Variants in MAGI2 observed in about 807,000 individuals in gnomAD.
MAGI2 encodes membrane-associated guanylate kinase, WW and PDZ domain-containing protein 2.
Under a neutral mutation model 133.3 loss-of-function variants are expected in MAGI2, and 35 were observed. That is an observed-to-expected ratio of 0.26 (90% CI 0.20 to 0.35). MAGI2 has a LOEUF of 0.35. Ranked by LOEUF, MAGI2 falls within the 10% of genes least tolerant of loss-of-function variation. The probability of loss-of-function intolerance (pLI) is 1.00; values close to 1 mark genes in which losing one functional copy is unlikely to be tolerated. For synonymous variants in MAGI2, 729 were observed against 710.6 expected, an observed-to-expected ratio of 1.03 and a Z score of -0.41; for missense variants, 1,636 against 1,863.4, an observed-to-expected ratio of 0.88 and a Z score of 2.25.
At chr7:78,546,947 T>C (rs1798899221) in intron 3 of MAGI2, among the ~76,000 whole-genome samples, 2 of 152,256 alleles carry the variant, frequency 1.3e-5, no homozygotes. Flanking sequence ...AATACTATTA[T>C]TGCCAAGACT....
At chr7:79,106,778 A>G (rs1818488990) in intron 1 of MAGI2, among the ~76,000 whole-genome samples, 1 of 152,220 alleles carries the variant, frequency 6.6e-6, no homozygotes, top group Admixed American at 6.5e-5. Context: ...AAGAAATATC[A>G]CTGTTCTTGC....
At chr7:78,980,905 G>T (rs1465696824) in intron 2 of MAGI2, among the ~76,000 whole-genome samples, 2 of 151,608 alleles carry the variant, frequency 1.3e-5, no homozygotes, top group East Asian at 3.9e-4. Context: ...ATGAATCACA[G>T]GTTAATTGTG....
chr7:79,404,557 C>T (rs957730737), intron 1 of MAGI2, among the ~76,000 whole-genome samples: 1 of 152,080 alleles, frequency 6.6e-6, no homozygotes, highest in African/African-American at 2.4e-5. Flanking sequence ...AACTACAGTG[C>T]CATTACTGTC....
chr7:78,026,260 C>T (rs1210404836), intron 21 of MAGI2, among the ~76,000 whole-genome samples: 1 of 152,208 alleles, frequency 6.6e-6, no homozygotes, highest in Non-Finnish European at 1.5e-5. Context: ...TCCTTCACTT[C>T]ATATGCCAGA....
At chr7:78,826,582 G>T (rs1384318821) in intron 2 of MAGI2, among the ~76,000 whole-genome samples, 1 of 152,026 alleles carries the variant, frequency 6.6e-6, no homozygotes, top group African/African-American at 2.4e-5. Context: ...TGTAATGTTG[G>T]ATACATGACA....
chr7:78,135,254 T>G, intron 16 of MAGI2, 48 bp from the exon 17 acceptor site: 1 of 1,461,702 alleles, frequency 6.8e-7, no homozygotes, highest in South Asian at 1.2e-5. Context: ...CACCAATACA[T>G]GTTCTTTCAG....
intron 1 of MAGI2, among the ~76,000 whole-genome samples, chr7:79,418,853 A>ACACACACACACACG (rs1846732062): frequency 7.4e-6 from 1 of 134,828 alleles, no homozygotes; most frequent in Non-Finnish European, 1.5e-5. Flanking sequence ...ACACACACAC[A>ACACACACACACACG]CACACACACA....
intron 1 of MAGI2, among the ~76,000 whole-genome samples, chr7:79,126,750 A>G (rs1820437011): frequency 6.6e-6 from 1 of 151,906 alleles, no homozygotes; most frequent in Non-Finnish European, 1.5e-5. Context: ...GTGCCCATTT[A>G]CAATGTCCCC....
intron 1 of MAGI2, among the ~76,000 whole-genome samples, chr7:79,291,075 G>A (rs1019514427): frequency 2.0e-5 from 3 of 150,688 alleles, no homozygotes; most frequent in Non-Finnish European, 3.0e-5. Flanking sequence ...ATCACTCCCC[G>A]CACTCCACTT....
intron 1 of MAGI2, among the ~76,000 whole-genome samples, chr7:79,122,779 C>T (rs1820023858): frequency 6.6e-6 from 1 of 151,894 alleles, no homozygotes; most frequent in South Asian, 2.1e-4. Flanking sequence ...GCAACCTCCA[C>T]CTCCCAGGTT....
At chr7:78,985,567 C>T (rs147283701) in intron 2 of MAGI2, among the ~76,000 whole-genome samples, 1,621 of 151,494 alleles carry the variant, frequency 0.011, 14 homozygotes, top group Non-Finnish European at 0.018. Flanking sequence ...GGAAGATTAT[C>T]GCCATAACTC....
At chr7:78,133,300 A>G (rs1821759822) in intron 17 of MAGI2, among the ~76,000 whole-genome samples, 1 of 152,212 alleles carries the variant, frequency 6.6e-6, no homozygotes, top group Non-Finnish European at 1.5e-5. Flanking sequence ...TCATTCTGCC[A>G]GAAGAAAAGA....
chr7:78,485,480 AG>A (rs1792896088), intron 6 of MAGI2: 1 of 150,026 alleles, frequency 6.7e-6, no homozygotes, highest in Non-Finnish European at 1.5e-5. Flanking sequence ...TACTGTCAGT[AG>A]AATAAGTGCT....
intron 3 of MAGI2, among the ~76,000 whole-genome samples, chr7:78,592,727 T>C (rs1230582009): frequency 6.6e-6 from 1 of 151,820 alleles, no homozygotes; most frequent in Admixed American, 6.6e-5. Flanking sequence ...TGCGTGTCCA[T>C]GATTTGGAGA....
At position 78,913,288 on chromosome 7, in the gene MAGI2, C is replaced by T. The variant is rs1798552339; in HGVS notation, c.418+93802G>A. The stretch of plus-strand genomic sequence containing the variant: ...TCTCATGAATGTTTTAGCACAATCC[C>T]CTTGGTGCTGTTCTCATGATAGTAA... On this transcript the variant is annotated intron_variant, in intron 2 of 21. Transcript: ENST00000354212. 1.3e-5 allele frequency among the ~76,000 whole-genome samples: 2 copies of T among 152,008 alleles called. 1 individual carries two copies. Among genetic ancestry groups the T allele is most frequent in the South Asian group, 4.2e-4 (2 of 4,814 alleles).
At chr7:78,936,394 G>T (rs1800521089) in intron 2 of MAGI2, among the ~76,000 whole-genome samples, 1 of 151,768 alleles carries the variant, frequency 6.6e-6, no homozygotes, top group African/African-American at 2.4e-5. Flanking sequence ...AACAAATATA[G>T]TTGAAGGAAA....
intron 1 of MAGI2, among the ~76,000 whole-genome samples, chr7:79,076,306 T>C (rs1815459990): frequency 6.6e-6 from 1 of 152,224 alleles, no homozygotes; most frequent in Non-Finnish European, 1.5e-5. Context: ...AAGGTTGCAT[T>C]GAGAGGATCT....
At chr7:78,654,490 T>C (rs75193073) in intron 2 of MAGI2, among the ~76,000 whole-genome samples, 7,596 of 151,748 alleles carry the variant, frequency 0.05, 286 homozygotes, top group East Asian at 0.16. Context: ...GGAGTCATAA[T>C]ATAAATTTAT....
intron 7 of MAGI2, among the ~76,000 whole-genome samples, chr7:78,363,054 A>C (rs1340163121): frequency 6.6e-6 from 1 of 152,234 alleles, no homozygotes; most frequent in Non-Finnish European, 1.5e-5. Context: ...TGCCTTACAC[A>C]TTGGTATATC....
Sources: allele counts gnomAD v4.1 joint callset (sites outside exome capture counted in the v4.1 genomes callset), GRCh38; gene constraint gnomAD v4.1.1; transcripts MANE v1.5; gene names NCBI Gene and HGNC (gene_info 2026-07-23, HGNC 2026-07-21).